The following PPM1H variants were observed in gnomAD, a reference collection of about 807,000 sequenced individuals.
PPM1H encodes protein phosphatase 1H.
In PPM1H, 27 loss-of-function variants were observed where a neutral mutation model predicts 54.9. The ratio of observed to expected loss-of-function variants is 0.49; its 90% CI spans 0.36 to 0.68. The LOEUF (loss-of-function observed/expected upper bound fraction) is 0.68, where lower values mean the gene tolerates loss of function less well. Among genes scored for constraint, PPM1H ranks in the 30% least tolerant of loss-of-function variants. PPM1H has a pLI of 0.00. For synonymous variants in PPM1H, 305 were observed against 270.8 expected, an observed-to-expected ratio of 1.13 and a Z score of -1.24; for missense variants, 596 against 667.8, an observed-to-expected ratio of 0.89 and a Z score of 1.19.
intron 8 of PPM1H, among the ~76,000 whole-genome samples, chr12:62,687,294 G>A (rs1029433803): frequency 1.2e-4 from 19 of 152,036 alleles, no homozygotes; most frequent in Non-Finnish European, 8.8e-5. Context: ...TTGAGTCAGC[G>A]TCTCACTCTG....
At chr12:62,847,733 C>A (rs1869027992) in intron 1 of PPM1H, among the ~76,000 whole-genome samples, 1 of 151,400 alleles carries the variant, frequency 6.6e-6, no homozygotes, top group African/African-American at 2.4e-5. Flanking sequence ...TTGAGTAAAT[C>A]AAAGTTTATT....
intron 1 of PPM1H, among the ~76,000 whole-genome samples, chr12:62,926,024 G>A (rs1871962219): frequency 6.6e-6 from 1 of 152,152 alleles, no homozygotes; most frequent in African/African-American, 2.4e-5. Flanking sequence ...TTAAAGAACT[G>A]CCCATTTTCA....
At chr12:62,790,026 G>A (rs1045199415) in intron 3 of PPM1H, among the ~76,000 whole-genome samples, 1 of 152,234 alleles carries the variant, frequency 6.6e-6, no homozygotes, top group Non-Finnish European at 1.5e-5. Context: ...ACAGGAAGAG[G>A]AAGAAACGGT....
chr12:62,657,057 C>T (rs2075848527), intron 9 of PPM1H, among the ~76,000 whole-genome samples: 1 of 152,136 alleles, frequency 6.6e-6, no homozygotes, highest in South Asian at 2.1e-4. Context: ...GGGGACTCCA[C>T]TCAGGCAGAA....
intron 1 of PPM1H, among the ~76,000 whole-genome samples, chr12:62,886,656 A>C (rs1439134638): frequency 1.3e-5 from 2 of 152,234 alleles, no homozygotes; most frequent in Non-Finnish European, 2.9e-5. Flanking sequence ...CTAAAATTTC[A>C]CTCCAAAGTA....
intron 4 of PPM1H, among the ~76,000 whole-genome samples, chr12:62,775,594 G>C (rs946978850): frequency 6.6e-6 from 1 of 151,674 alleles, no homozygotes; most frequent in African/African-American, 2.4e-5. Context: ...CTTTAAAAAT[G>C]AATATTATAT....
chr12:62,925,367 C>T (rs1436909600), intron 1 of PPM1H, among the ~76,000 whole-genome samples: 1 of 152,000 alleles, frequency 6.6e-6, no homozygotes, highest in Non-Finnish European at 1.5e-5. Flanking sequence ...TTACTTGAGG[C>T]CAGGAGTTCA....
intron 4 of PPM1H, among the ~76,000 whole-genome samples, chr12:62,753,155 T>C (rs548378350): frequency 9.1e-4 from 139 of 152,348 alleles, no homozygotes; most frequent in Non-Finnish European, 1.5e-3. Context: ...AGCCGAGAAC[T>C]GAACTAACAT....
At chr12:62,859,398 T>C (rs1869516016) in intron 1 of PPM1H, among the ~76,000 whole-genome samples, 1 of 152,202 alleles carries the variant, frequency 6.6e-6, no homozygotes, top group Non-Finnish European at 1.5e-5. Context: ...AAATGTCTGT[T>C]TTCAAAATGA....
chr12:62,887,759 G>C (rs557375477), intron 1 of PPM1H, among the ~76,000 whole-genome samples: 2 of 152,310 alleles, frequency 1.3e-5, no homozygotes, highest in South Asian at 4.1e-4. Flanking sequence ...ATAGGTGATG[G>C]TCATGGAGGG....
intron 4 of PPM1H, chr12:62,755,283 G>A (rs1481845299): frequency 2.3e-6 from 2 of 864,750 alleles, no homozygotes; most frequent in Non-Finnish European, 3.9e-6. Context: ...TAGTCACCAG[G>A]GCGGTTTTTA....
At chr12:62,898,239 G>A (rs1454356720) in intron 1 of PPM1H, among the ~76,000 whole-genome samples, 1 of 152,198 alleles carries the variant, frequency 6.6e-6, no homozygotes, top group African/African-American at 2.4e-5. Context: ...AAGTGAGGGT[G>A]AACTCTGTTT....
chr12:62,747,290 C>T (rs2076418332), intron 4 of PPM1H, among the ~76,000 whole-genome samples: 1 of 152,106 alleles, frequency 6.6e-6, no homozygotes, highest in African/African-American at 2.4e-5. Context: ...GCATGTGTCA[C>T]CAGGCCTGGC....
intron 4 of PPM1H, among the ~76,000 whole-genome samples, chr12:62,780,641 ACTTTAC>A (rs1235347171): frequency 3.3e-5 from 5 of 152,134 alleles, no homozygotes; most frequent in African/African-American, 1.2e-4. Flanking sequence ...CAGGTGTGAT[ACTTTAC>A]CTTTACTGTG....
At position 62,758,838 on chromosome 12, in the gene PPM1H, C is replaced by T. The variant is rs184856636; in HGVS notation, c.870-21252G>A. Among the ~76,000 whole-genome samples, 480 of 152,292 alleles carry T rather than the reference C, an allele frequency of 3.2e-3. 1 individual carries two copies. Among genetic ancestry groups the T allele is most frequent in the Non-Finnish European group, 5.5e-3 (376 of 68,030 alleles). ...GACCTGCACTTTTACATCCAGATGGCCTGAAGCAACTGAAGATCCACAAAA... is the reference window on the plus strand; with the variant it reads ...GACCTGCACTTTTACATCCAGATGGTCTGAAGCAACTGAAGATCCACAAAA... On this transcript the variant is annotated intron_variant, in intron 4 of 9. Transcript: ENST00000228705.
intron 1 of PPM1H, among the ~76,000 whole-genome samples, chr12:62,905,281 A>G (rs1056456128): frequency 2.0e-5 from 3 of 152,180 alleles, no homozygotes. Context: ...GGTTTCTTAG[A>G]GGGTAGTTCC....
intron 1 of PPM1H, among the ~76,000 whole-genome samples, chr12:62,833,620 C>T (rs867606997): frequency 2.0e-5 from 3 of 152,098 alleles, no homozygotes; most frequent in African/African-American, 7.2e-5. Context: ...CATGCCACAA[C>T]CAAATAGGAA....
chr12:62,759,533 G>A (rs1167749571), intron 4 of PPM1H, among the ~76,000 whole-genome samples: 3 of 152,176 alleles, frequency 2.0e-5, no homozygotes, highest in South Asian at 2.1e-4. Flanking sequence ...CACTGGTCAC[G>A]GACTCGGGAA....
At chr12:62,666,751 T>C (rs2075919736) in intron 9 of PPM1H, among the ~76,000 whole-genome samples, 1 of 152,118 alleles carries the variant, frequency 6.6e-6, no homozygotes, top group Admixed American at 6.5e-5. Flanking sequence ...GGTCGCTCTG[T>C]CACCCAGGCT....
Sources: allele counts gnomAD v4.1 joint callset (sites outside exome capture counted in the v4.1 genomes callset), GRCh38; gene constraint gnomAD v4.1.1; transcripts MANE v1.5; gene names NCBI Gene and HGNC (gene_info 2026-07-23, HGNC 2026-07-21).